OGFRL1: variants seen among roughly 807,000 people sequenced by gnomAD.
OGFRL1 encodes opioid growth factor receptor-like protein 1.
A neutral mutation model predicts 32.4 loss-of-function variants in OGFRL1; 26 were observed. The observed-to-expected ratio is 0.80, with a 90% CI of 0.59 to 1.11. The LOEUF is 1.11. Among genes scored for constraint, OGFRL1 ranks in the 50% most tolerant of loss-of-function variants. OGFRL1 has a pLI of 0.00. For missense variants in OGFRL1, 521 were observed against 546.4 expected (o/e 0.95, Z 0.46); for synonymous variants, 211 against 201.2 (o/e 1.05, Z -0.41).
chr6:71,305,130 A>G lies in OGFRL1; in HGVS notation c.*3081A>G, dbSNP rs1317034947. 1 of 152,056 alleles carries G rather than the reference A, an allele frequency of 6.6e-6. No homozygotes were observed. The highest frequency in any genetic ancestry group is 1.5e-5 in the Non-Finnish European group (1 of 67,918). The allele number at this position is 152,056 out of a possible 1,614,324, so 9.4% of individuals were successfully genotyped here. On this transcript the variant is annotated 3_prime_UTR_variant, in exon 7 of 7. Transcript: ENST00000370435. ...CTAAAAATATTACTGAATCTTTACA[A>G]ATATATAATCTTTATTGTTGTACTG...
At chr6:71,293,442 A>G (rs1766109048) in intron 2 of OGFRL1, 63 bp downstream of exon 2, 2 of 1,576,528 alleles carry the variant, frequency 1.3e-6, no homozygotes, top group African/African-American at 2.7e-5. Flanking sequence ...TTAAATTTTT[A>G]TGGTGCCACT....
At chr6:71,294,163 A>G (rs1204661623) in intron 3 of OGFRL1, among the ~76,000 whole-genome samples, 1 of 152,146 alleles carries the variant, frequency 6.6e-6, no homozygotes, top group African/African-American at 2.4e-5. Context: ...TGCCAAATAC[A>G]CTTGTCTCCT....
chr6:71,301,651 T>A lies in OGFRL1; in HGVS notation c.958T>A (p.Ser320Thr). 1 of 1,614,008 alleles carries A rather than the reference T, an allele frequency of 6.2e-7. No homozygotes were observed. The highest frequency in any genetic ancestry group is 1.3e-5 in the African/African-American group (1 of 74,968). The change falls in exon 7 of 7, where the codon TCG (serine) becomes ACG (threonine). Residue 320 changes from serine to threonine, a missense_variant. Physicochemically the swap from Ser to Thr is moderately conservative, Grantham distance 58. Coordinates refer to ENST00000370435, the MANE Select transcript of OGFRL1 (RefSeq NM_024576.5). ...FIWGPPRKEQSEGSKAQKMSS... is the reference protein window; with the variant it reads ...FIWGPPRKEQTEGSKAQKMSS... ...CTGGGGACCGCCTCGAAAAGAACAG[T>A]CGGAGGGAAGCAAAGCCCAGAAAAT...
chr6:71,297,782 G>A (rs1489438375), intron 6 of OGFRL1, among the ~76,000 whole-genome samples: 1 of 151,346 alleles, frequency 6.6e-6, no homozygotes, highest in Non-Finnish European at 1.5e-5. Flanking sequence ...TTGGTAAGAT[G>A]GGTATAAATA....
At chr6:71,293,948 G>A (rs1353049903) in intron 3 of OGFRL1, among the ~76,000 whole-genome samples, 2 of 152,152 alleles carry the variant, frequency 1.3e-5, no homozygotes, top group Non-Finnish European at 2.9e-5. Flanking sequence ...TAGGTCACTC[G>A]ATTGCAGGTT....
rs1158690810 is a variant in OGFRL1 at position 71,289,548 on chromosome 6, T to TAAAAAAAAAAAAAAAAA, written c.234+394_234+410dup. On this transcript the variant is annotated intron_variant, in intron 1 of 6. Transcript: ENST00000370435. Reference sequence around the variant, plus strand: ...CAACCCCTCTAGTGTGTGTTATTGGTAAAAAAAAAAAAAAAAAAAAAAAAA... The same window carrying TAAAAAAAAAAAAAAAAA: ...CAACCCCTCTAGTGTGTGTTATTGGTAAAAAAAAAAAAAAAAAAAAAAAAAAAAAAAAAAAAAAAAAA... 3.5e-5 allele frequency: 19 copies of TAAAAAAAAAAAAAAAAA among 541,868 alleles called. 1 individual carries two copies. The highest frequency in any genetic ancestry group is 2.9e-4 in the African/African-American group (6 of 20,910). The allele number at this position is 541,868 out of a possible 1,614,324, so 33.6% of individuals were successfully genotyped here.
intron 3 of OGFRL1, among the ~76,000 whole-genome samples, chr6:71,294,686 G>C (rs776580017): frequency 6.6e-6 from 1 of 152,108 alleles, no homozygotes; most frequent in Non-Finnish European, 1.5e-5. Context: ...GAAACCTCTG[G>C]ATAAAATTGC....
Position 71,305,071 on chromosome 6 carries a change from G to A in OGFRL1, c.*3022G>A, listed in dbSNP as rs144123815. 1.3e-5 allele frequency: 2 copies of A among 151,954 alleles called. No homozygotes were observed. The highest frequency in any genetic ancestry group is 1.9e-4 in the East Asian group (1 of 5,196). The allele number at this position is 151,954 out of a possible 1,614,324, so 9.4% of individuals were successfully genotyped here. The stretch of plus-strand genomic sequence containing the variant: ...GCTTGCAGAAATTCATTGAGAAGCT[G>A]TTATAAAAAATGCAGTGAAGCATGA... On this transcript the variant is annotated 3_prime_UTR_variant, in exon 7 of 7. Coordinates refer to ENST00000370435, the MANE Select transcript of OGFRL1 (RefSeq NM_024576.5).
chr6:71,297,266 A>G (rs1017210249), intron 6 of OGFRL1, among the ~76,000 whole-genome samples: 4 of 152,028 alleles, frequency 2.6e-5, no homozygotes, highest in African/African-American at 9.7e-5. Context: ...AAATCATTTT[A>G]TAAGAATGAG....
rs1054152955 is a variant in OGFRL1 at position 71,305,134 on chromosome 6, T to C, written c.*3085T>C. Reference sequence around the variant, plus strand: ...AAATATTACTGAATCTTTACAAATATATAATCTTTATTGTTGTACTGTGGA... The same window carrying C: ...AAATATTACTGAATCTTTACAAATACATAATCTTTATTGTTGTACTGTGGA... On this transcript the variant is annotated 3_prime_UTR_variant, in exon 7 of 7. Coordinates refer to ENST00000370435, the MANE Select transcript of OGFRL1 (RefSeq NM_024576.5). The C allele has an allele frequency of 6.6e-6, 1 of 152,056 alleles. No individual in the cohort carries two copies. Among genetic ancestry groups the C allele is most frequent in the African/African-American group, 2.4e-5 (1 of 41,446 alleles). 9.4% of individuals were successfully genotyped at this position (152,056 alleles called of 1,614,324 possible). A position where few individuals can be genotyped will look rare whatever the true frequency, so the allele number is the denominator to read the frequency against.
rs2149360320 is a variant in OGFRL1, at chr6:71,308,495, A to G, written c.*6446A>G. The stretch of plus-strand genomic sequence containing the variant: ...CAGGAAAATGCCTACGATTGTTACA[A>G]AGATGTGTGTTTTACTTATAACATA... On this transcript the variant is annotated 3_prime_UTR_variant, in exon 7 of 7. Coordinates refer to ENST00000370435, the MANE Select transcript of OGFRL1 (RefSeq NM_024576.5). The G allele has an allele frequency of 6.6e-6, 1 of 152,258 alleles. No individual in the cohort carries two copies. Among genetic ancestry groups the G allele is most frequent in the Non-Finnish European group, 1.5e-5 (1 of 68,024 alleles). The allele number at this position is 152,258 out of a possible 1,614,324, so 9.4% of individuals were successfully genotyped here. A position where few individuals can be genotyped will look rare whatever the true frequency, so the allele number is the denominator to read the frequency against.
At position 71,288,826 on chromosome 6, in the gene OGFRL1, C is replaced by A; in HGVS notation, c.-111C>A. On this transcript the variant is annotated 5_prime_UTR_variant, in exon 1 of 7. Coordinates refer to ENST00000370435, the MANE Select transcript of OGFRL1 (RefSeq NM_024576.5). ...GCGCTGAGGCAGTGCGGGGCGGGCG[C>A]GCCTAGGCTGCCGCCCAGCGCCCTC... The A allele has an allele frequency of 1.3e-6, 1 of 784,846 alleles. No individual in the cohort carries two copies. Among genetic ancestry groups the A allele is most frequent in the Non-Finnish European group, 1.6e-6 (1 of 641,336 alleles). The allele number at this position is 784,846 out of a possible 1,614,324, so 48.6% of individuals were successfully genotyped here. A position where few individuals can be genotyped will look rare whatever the true frequency, so the allele number is the denominator to read the frequency against.
At chr6:71,289,894 C>G (rs1765994253) in intron 1 of OGFRL1, 8 of 881,882 alleles carry the variant, frequency 9.1e-6, no homozygotes, top group Non-Finnish European at 1.1e-5. Flanking sequence ...TGTAGCCGAC[C>G]CCCTGAAGAA....
intron 6 of OGFRL1, among the ~76,000 whole-genome samples, chr6:71,297,206 C>G (rs1426817471): frequency 1.3e-5 from 2 of 152,042 alleles, no homozygotes; most frequent in Non-Finnish European, 2.9e-5. Flanking sequence ...TGTTTCTAAG[C>G]ATAATGCCTT....
rs769468670 is a variant in OGFRL1 at position 71,301,336 on chromosome 6, C to G, written c.693-50C>G. 8.4e-6 allele frequency: 12 copies of G among 1,423,694 alleles called. No individual in the cohort carries two copies. The African/African-American group carries it at 1.4e-4, about 17-fold the overall frequency. 88.2% of individuals were successfully genotyped at this position (1,423,694 alleles called of 1,614,324 possible). On this transcript the variant is annotated intron_variant, in intron 6 of 6. Coordinates refer to ENST00000370435, the MANE Select transcript of OGFRL1 (RefSeq NM_024576.5). ...TTCCCAATAGTTTTCATTCTCCTGC[C>G]TTCCTACACCTGATTTCCCCCACTC...
At chr6:71,294,132 C>G (rs1048453388) in intron 3 of OGFRL1, among the ~76,000 whole-genome samples, 1 of 152,220 alleles carries the variant, frequency 6.6e-6, no homozygotes, top group African/African-American at 2.4e-5. Flanking sequence ...ACTGCAGATA[C>G]AGTAGATCTC....
Position 71,304,581 on chromosome 6 carries a change from A to G in OGFRL1, c.*2532A>G, listed in dbSNP as rs1406593653. 1 of 152,158 alleles carries G rather than the reference A, an allele frequency of 6.6e-6. No homozygotes were observed. Among genetic ancestry groups the G allele is most frequent in the Non-Finnish European group, 1.5e-5 (1 of 67,978 alleles). 9.4% of individuals were successfully genotyped at this position (152,158 alleles called of 1,614,324 possible). ...ATAAAGTTACCAGATACTAAAATCA[A>G]TGAATGTAATTTGAATTACTTAGAA... On this transcript the variant is annotated 3_prime_UTR_variant, in exon 7 of 7. Coordinates refer to ENST00000370435, the MANE Select transcript of OGFRL1 (RefSeq NM_024576.5).
intron 6 of OGFRL1, among the ~76,000 whole-genome samples, chr6:71,298,421 T>C (rs559527075): frequency 1.3e-5 from 2 of 152,296 alleles, no homozygotes; most frequent in East Asian, 3.9e-4. Flanking sequence ...TACCTCAAAC[T>C]TGTTATTTTT....
intron 1 of OGFRL1, chr6:71,289,547 G>GT (rs1199310274): frequency 7.9e-6 from 2 of 252,314 alleles, no homozygotes; most frequent in African/African-American, 1.2e-4. Flanking sequence ...TGTGTTATTG[G>GT]TAAAAAAAAA....
Sources: allele counts gnomAD v4.1 joint callset (sites outside exome capture counted in the v4.1 genomes callset), GRCh38; gene constraint gnomAD v4.1.1; transcripts MANE v1.5; gene names NCBI Gene and HGNC (gene_info 2026-07-23, HGNC 2026-07-21).